LOC114841035: variants seen among roughly 807,000 people sequenced by gnomAD.
chr11:64,242,221 T>C, the LOC114841035 span: 2 of 622,010 alleles, frequency 3.2e-6, no homozygotes, highest in Non-Finnish European at 2.5e-6. Context: ...CTGGTAAGTG[T>C]GGCCCCGGAG....
the LOC114841035 span, chr11:64,243,939 G>A: frequency 6.2e-7 from 1 of 1,614,038 alleles, no homozygotes. Flanking sequence ...GGCCCTGGTT[G>A]GCATTTTGAC....
the LOC114841035 span, chr11:64,243,093 G>T: frequency 1.0e-6 from 1 of 979,870 alleles, no homozygotes; most frequent in Non-Finnish European, 1.6e-6. Flanking sequence ...CTGACCACCA[G>T]GGCTGTGGGT....
the LOC114841035 span, chr11:64,241,957 G>A: frequency 1.3e-5 from 2 of 157,560 alleles, no homozygotes; most frequent in Admixed American, 6.5e-5. Flanking sequence ...CGGCCGCAGA[G>A]GTGTTGGTGT....
the LOC114841035 span, chr11:64,242,524 C>T: frequency 3.9e-6 from 6 of 1,550,656 alleles, no homozygotes; most frequent in African/African-American, 8.6e-5. Context: ...CCCATCAAAT[C>T]GCGCAAAGGG....
chr11:64,242,115 G>A, the LOC114841035 span: 1 of 415,876 alleles, frequency 2.4e-6, no homozygotes, highest in African/African-American at 2.1e-5. Context: ...GGAAGGTATG[G>A]GGGTGAGCAA....
the LOC114841035 span, chr11:64,242,119 T>C: frequency 2.5e-6 from 1 of 401,560 alleles, no homozygotes; most frequent in Non-Finnish European, 4.5e-6. Flanking sequence ...GGTATGGGGG[T>C]GAGCAAAGGG....
At chr11:64,244,057 G>A in the LOC114841035 span, 4 of 1,608,690 alleles carry the variant, frequency 2.5e-6, no homozygotes, top group African/African-American at 1.3e-5. Flanking sequence ...AGGGGGAGAG[G>A]CCCCCATCAG....
At chr11:64,242,454 A>G in the LOC114841035 span, 4 of 1,549,880 alleles carry the variant, frequency 2.6e-6, no homozygotes, top group East Asian at 9.9e-5. Flanking sequence ...GGCCACGGCC[A>G]CGGGGGCCGA....
chr11:64,244,062 C>G, the LOC114841035 span: 1 of 1,590,964 alleles, frequency 6.3e-7, no homozygotes, highest in Non-Finnish European at 8.6e-7. Flanking sequence ...GAGAGGCCCC[C>G]ATCAGGGACC....
chr11:64,243,805 G>A, the LOC114841035 span: 1 of 1,613,332 alleles, frequency 6.2e-7, no homozygotes, highest in African/African-American at 1.3e-5. Flanking sequence ...AGGGAGCTTG[G>A]CCATCACTGA....
At chr11:64,242,333 C>G in the LOC114841035 span, 1 of 1,459,494 alleles carries the variant, frequency 6.9e-7, no homozygotes, top group South Asian at 1.4e-5. Context: ...GTTCCATACT[C>G]TCCCTGCCCT....
chr11:64,243,154 A>G, the LOC114841035 span: 8 of 1,559,524 alleles, frequency 5.1e-6, no homozygotes, highest in South Asian at 3.3e-5. Context: ...AGGGGGTGTC[A>G]GGGGTGGTCC....
the LOC114841035 span, chr11:64,243,250 C>A: frequency 6.2e-7 from 1 of 1,613,234 alleles, no homozygotes; most frequent in Non-Finnish European, 8.5e-7. Flanking sequence ...CCAGAACCAG[C>A]CCTTTGTCTT....
At chr11:64,244,078 G>T in the LOC114841035 span, 1 of 1,523,180 alleles carries the variant, frequency 6.6e-7, no homozygotes, top group Non-Finnish European at 9.0e-7. Flanking sequence ...GGACCAGACT[G>T]TTCCAAAAAA....
the LOC114841035 span, chr11:64,243,287 A>G: frequency 6.2e-7 from 1 of 1,609,122 alleles, no homozygotes; most frequent in Non-Finnish European, 8.5e-7. Flanking sequence ...CAGGTCATCA[A>G]GGGCTGGGAC....
chr11:64,241,572 G>T, the LOC114841035 span: 1 of 152,874 alleles, frequency 6.5e-6, no homozygotes, highest in Non-Finnish European at 1.5e-5. Flanking sequence ...AAGGGGTCTA[G>T]TTCTGTCGAA....
chr11:64,241,106 G>C, the LOC114841035 span: 1 of 152,716 alleles, frequency 6.5e-6, no homozygotes, highest in Non-Finnish European at 1.5e-5. Flanking sequence ...GCACCACCGG[G>C]GTTGACTCCG....
the LOC114841035 span, chr11:64,242,358 C>A: frequency 1.4e-6 from 2 of 1,472,938 alleles, no homozygotes; most frequent in South Asian, 1.4e-5. Context: ...CACGTTCAGT[C>A]GGTCGGTCGG....
chr11:64,243,384 C>T, the LOC114841035 span: 1 of 1,607,600 alleles, frequency 6.2e-7, no homozygotes. Flanking sequence ...CTGTGGGAGG[C>T]AAGCCCCAGG....
Sources: allele counts gnomAD v4.1 joint callset, GRCh38; gene constraint gnomAD v4.1.1; transcripts MANE v1.5.